Variants in GAK observed in about 807,000 individuals in gnomAD.
GAK encodes cyclin G associated kinase.
GAK carries 79 observed loss-of-function variants against 143.9 expected under a neutral mutation model. The observed-to-expected ratio is 0.55, with a 90% CI of 0.46 to 0.66. The LOEUF (loss-of-function observed/expected upper bound fraction) is 0.66, where lower values mean the gene tolerates loss of function less well. Ranked by LOEUF, GAK falls within the 30% of genes least tolerant of loss-of-function variation. The pLI is 0.00. For missense variants in GAK, 1,693 were observed against 1,779.7 expected (o/e 0.95, Z 0.88); for synonymous variants, 881 against 765.5 (o/e 1.15, Z -2.49).
chr4:899,646 A>G (rs570024866), intron 5 of GAK, among the ~76,000 whole-genome samples: 6 of 152,346 alleles, frequency 3.9e-5, no homozygotes, highest in African/African-American at 7.2e-5. Context: ...AGGCTGAGGG[A>G]GCAGCACCCG....
chr4:922,618 A>T (rs1420778078), intron 1 of GAK, among the ~76,000 whole-genome samples: 1 of 151,952 alleles, frequency 6.6e-6, no homozygotes. Flanking sequence ...AGCCTCCAGA[A>T]CTGCGAGAGT....
At chr4:913,554 C>T in intron 2 of GAK, 53 bp downstream of exon 2, 1 of 1,350,670 alleles carries the variant, frequency 7.4e-7, no homozygotes, top group Non-Finnish European at 1.1e-6. Flanking sequence ...TGTCACCAGA[C>T]AGTCCCTTTA....
intron 1 of GAK, among the ~76,000 whole-genome samples, chr4:926,425 C>A (rs1390061552): frequency 6.6e-6 from 1 of 152,162 alleles, no homozygotes; most frequent in Non-Finnish European, 1.5e-5. Context: ...GGACACCTCC[C>A]TGGGGCTCCC....
Position 868,577 on chromosome 4 carries a change from G to A in GAK, c.2357C>T (p.Ala786Val), listed in dbSNP as rs201830875. The stretch of plus-strand genomic sequence containing the variant: ...CGTGTGCAGGAAGCGACTGGCGTCC[G>A]CGCTGCTGCTTGGCGGTGAGTCAGA... Reference protein sequence around the residue: ...TDSDSPPSSSADASRFLHTLD... With the variant: ...TDSDSPPSSSVDASRFLHTLD... Residue 786 changes from alanine to valine, a missense_variant, in exon 20 of 28, where the codon GCG (alanine) becomes GTG (valine). Transcript: ENST00000314167. 1.7e-5 allele frequency: 27 copies of A among 1,606,538 alleles called. No individual in the cohort carries two copies. The highest frequency in any genetic ancestry group is 2.3e-5 in the East Asian group (1 of 44,408).
At chr4:905,361 C>A (rs1182791457) in intron 4 of GAK, among the ~76,000 whole-genome samples, 2 of 152,218 alleles carry the variant, frequency 1.3e-5, no homozygotes, top group East Asian at 3.8e-4. Context: ...TCACGACTCT[C>A]TACGGTTAAC....
At chr4:874,672 A>G (rs1713463311) in intron 18 of GAK, among the ~76,000 whole-genome samples, 1 of 151,732 alleles carries the variant, frequency 6.6e-6, no homozygotes, top group Admixed American at 6.6e-5. Flanking sequence ...TTTTTGTTAA[A>G]AAAAAAAAAA....
intron 15 of GAK, among the ~76,000 whole-genome samples, chr4:880,593 G>A (rs555978515): frequency 2.0e-5 from 3 of 152,088 alleles, no homozygotes; most frequent in South Asian, 4.2e-4. Context: ...GGCTTCACTC[G>A]CCCACTGAGA....
chr4:858,623 G>A lies in GAK; in HGVS notation c.3283+983C>T, dbSNP rs1008007149. Among the ~76,000 whole-genome samples the A allele has an allele frequency of 9.8e-5, 15 of 152,314 alleles. No homozygotes were observed. The East Asian group carries it at 2.7e-3, about 27-fold the overall frequency. ...ACATAGTAAATCCCCAAAACCACCTGAAACATAAAAAGAACATTCAAAGAC... is the reference window on the plus strand; with the variant it reads ...ACATAGTAAATCCCCAAAACCACCTAAAACATAAAAAGAACATTCAAAGAC... On this transcript the variant is annotated intron_variant, in intron 24 of 27. Transcript: ENST00000314167.
At chr4:889,351 A>G (rs1717195252) in intron 10 of GAK, among the ~76,000 whole-genome samples, 1 of 152,216 alleles carries the variant, frequency 6.6e-6, no homozygotes, top group African/African-American at 2.4e-5. Context: ...TCAGGCCACC[A>G]TGACCCTGGA....
At chr4:893,820 G>T in intron 8 of GAK, 54 bp downstream of exon 8, 1 of 1,514,216 alleles carries the variant, frequency 6.6e-7, no homozygotes, top group South Asian at 1.3e-5. Context: ...CCAGAGCCAC[G>T]CGGGGTCTGT....
Position 891,795 on chromosome 4 carries a change from G to A in GAK, c.991-1173C>T, listed in dbSNP as rs188805079. Among the ~76,000 whole-genome samples the A allele has an allele frequency of 1.2e-4, 18 of 152,276 alleles. No homozygotes were observed. In the East Asian group the frequency reaches 3.1e-3, roughly 26 times the overall value. ...AAGAGCCACCAAGCGAGGGGGACACGAGGCCCAGGCTGCTAAAGAGCAGGA... is the reference window on the plus strand; with the variant it reads ...AAGAGCCACCAAGCGAGGGGGACACAAGGCCCAGGCTGCTAAAGAGCAGGA... On this transcript the variant is annotated intron_variant, in intron 9 of 27. Transcript: ENST00000314167.
chr4:928,916 A>G (rs1396244368), intron 1 of GAK, among the ~76,000 whole-genome samples: 2 of 152,128 alleles, frequency 1.3e-5, no homozygotes, highest in Admixed American at 6.5e-5. Flanking sequence ...GGCATGTGTC[A>G]CCACACCCGG....
At chr4:931,071 C>G (rs905960583) in intron 1 of GAK, among the ~76,000 whole-genome samples, 1 of 152,298 alleles carries the variant, frequency 6.6e-6, no homozygotes, top group East Asian at 1.9e-4. Context: ...ACTTCACAGC[C>G]AGTGAAATAT....
chr4:909,465 C>A (rs1356793661), intron 4 of GAK, among the ~76,000 whole-genome samples: 23 of 152,168 alleles, frequency 1.5e-4, no homozygotes, highest in Non-Finnish European at 2.9e-5. Flanking sequence ...TGCGACGTGT[C>A]AGGGATGGGG....
chr4:862,363 C>A (rs543158212), intron 23 of GAK, among the ~76,000 whole-genome samples: 1 of 152,230 alleles, frequency 6.6e-6, no homozygotes, highest in Non-Finnish European at 1.5e-5. Flanking sequence ...CCTAAGTCAT[C>A]TGCTAAGATC....
At position 911,420 on chromosome 4, in the gene GAK, G is replaced by C. The variant is rs59096409; in HGVS notation, c.382+253C>G. 2.6e-3 allele frequency among the ~76,000 whole-genome samples: 392 copies of C among 152,334 alleles called. 3 individuals are homozygous for C. Among genetic ancestry groups the C allele is most frequent in the African/African-American group, 9.0e-3 (375 of 41,582 alleles). On this transcript the variant is annotated intron_variant, in intron 4 of 27. Transcript: ENST00000314167. ...CTGGAGACAGGCAGGATGGGAGCCC[G>C]GCTCTCTGGCTGCCCGCAGCTCCAC...
At chr4:887,299 C>T (rs1716621425) in intron 11 of GAK, 3 of 148,128 alleles carry the variant, frequency 2.0e-5, no homozygotes, top group African/African-American at 7.4e-5. Context: ...GGCTCACGCG[C>T]ACTCACACGT....
chr4:850,534 C>T (rs142044128), intron 26 of GAK: 95 of 191,526 alleles, frequency 5.0e-4, no homozygotes, highest in African/African-American at 2.2e-3. Context: ...CCTCACCCCC[C>T]AGTGAGCGTC....
chr4:882,662 A>G (rs761254040), intron 14 of GAK, 35 bp downstream of exon 14: 1 of 1,603,904 alleles, frequency 6.2e-7, no homozygotes, highest in East Asian at 2.2e-5. Context: ...GAACTTTGAC[A>G]GAAGACGGCG....
Sources: allele counts gnomAD v4.1 joint callset (sites outside exome capture counted in the v4.1 genomes callset), GRCh38; gene constraint gnomAD v4.1.1; transcripts MANE v1.5; gene names NCBI Gene and HGNC (gene_info 2026-07-23, HGNC 2026-07-21).